The following LIMCH1 variants were observed in gnomAD, a reference collection of about 807,000 sequenced individuals.
The protein encoded by LIMCH1 is LIM and calponin homology domains-containing protein 1.
Under a neutral mutation model 176.5 loss-of-function variants are expected in LIMCH1, and 113 were observed. The observed-to-expected ratio is 0.64, with a 90% CI of 0.55 to 0.75. The LOEUF (loss-of-function observed/expected upper bound fraction) is 0.75. Among genes scored for constraint, LIMCH1 ranks in the 30% least tolerant of loss-of-function variants. The probability of loss-of-function intolerance (pLI) is 0.00; values close to 1 mark genes in which losing one functional copy is unlikely to be tolerated. For synonymous variants in LIMCH1, 619 were observed against 645.9 expected, an observed-to-expected ratio of 0.96 and a Z score of 0.63; for missense variants, 1,674 against 1,814.9, an observed-to-expected ratio of 0.92 and a Z score of 1.41.
intron 13 of LIMCH1, among the ~76,000 whole-genome samples, chr4:41,636,880 A>C (rs1337506881): frequency 6.6e-6 from 1 of 152,234 alleles, no homozygotes; most frequent in East Asian, 1.9e-4. Flanking sequence ...ACTCAACGCT[A>C]ATCTATGCAT....
At chr4:41,468,845 T>C (rs1416124218) in intron 1 of LIMCH1, among the ~76,000 whole-genome samples, 4 of 152,160 alleles carry the variant, frequency 2.6e-5, no homozygotes, top group Admixed American at 2.6e-4. Flanking sequence ...CTCTGGGCTT[T>C]TGTGTGTTGG....
rs142431467 is a variant in LIMCH1 at position 41,697,165 on chromosome 4, G to A, written c.4384G>A (p.Gly1462Arg). The change falls in exon 32 of 32, where the codon GGG becomes AGG. Residue 1462 changes from glycine to arginine, a missense_variant. Transcript: ENST00000503057. The stretch of plus-strand genomic sequence containing the variant: ...GTTGTTTGTTTTAATCACAGGTGCC[G>A]GGCAGCCTACAACATTGTGACACGG... ...NDCYMRSRSA[G>R]QPTTL 36 of 1,613,168 alleles carry A rather than the reference G, an allele frequency of 2.2e-5. No individual in the cohort carries two copies. The highest frequency in any genetic ancestry group is 1.7e-4 in the Admixed American group (10 of 59,952).
intron 1 of LIMCH1, among the ~76,000 whole-genome samples, chr4:41,453,036 A>G (rs975186794): frequency 2.6e-5 from 4 of 152,002 alleles, no homozygotes; most frequent in African/African-American, 9.7e-5. Context: ...ACTTGATGAT[A>G]CTCAGTGCTG....
intron 2 of LIMCH1, among the ~76,000 whole-genome samples, chr4:41,496,656 G>C (rs970250633): frequency 6.6e-6 from 1 of 152,198 alleles, no homozygotes; most frequent in African/African-American, 2.4e-5. Context: ...TTTTGTGTAA[G>C]TTGAGACTAT....
intron 1 of LIMCH1, among the ~76,000 whole-genome samples, chr4:41,385,464 A>G (rs1248784121): frequency 6.6e-6 from 1 of 152,222 alleles, no homozygotes; most frequent in Non-Finnish European, 1.5e-5. Flanking sequence ...CAATGGGCTT[A>G]TTAAAAATGT....
chr4:41,364,807 AT>A (rs2052717726), intron 1 of LIMCH1, among the ~76,000 whole-genome samples: 1 of 152,158 alleles, frequency 6.6e-6, no homozygotes, highest in Non-Finnish European at 1.5e-5. Flanking sequence ...GCAGAATTTT[AT>A]TCACTGAGGT....
chr4:41,429,196 G>A lies in LIMCH1; in HGVS notation c.97-65340G>A, dbSNP rs543752501. 7.9e-5 allele frequency among the ~76,000 whole-genome samples: 12 copies of A among 152,164 alleles called. No individual in the cohort carries two copies. In the East Asian group the frequency reaches 1.4e-3, roughly 17 times the overall value. Reference sequence around the variant, plus strand: ...CCATCTGTGCACCATTTTTTAATGCGTATGTTTTTGTTTTTTGGTTTGCTT... The same window carrying A: ...CCATCTGTGCACCATTTTTTAATGCATATGTTTTTGTTTTTTGGTTTGCTT... On this transcript the variant is annotated intron_variant, in intron 1 of 26. Coordinates refer to the LIMCH1 transcript ENST00000313860.
At chr4:41,577,316 C>G (rs2084656716) in intron 1 of LIMCH1, among the ~76,000 whole-genome samples, 1 of 151,824 alleles carries the variant, frequency 6.6e-6, no homozygotes, top group Non-Finnish European at 1.5e-5. Flanking sequence ...TAGGAAAGCC[C>G]AGAATTTTAG....
intron 1 of LIMCH1, among the ~76,000 whole-genome samples, chr4:41,552,745 G>A (rs1436673882): frequency 6.6e-6 from 1 of 152,044 alleles, no homozygotes; most frequent in African/African-American, 2.4e-5. Context: ...GCTGAAATCT[G>A]TTTGCCTTTC....
chr4:41,669,485 A>C (rs548534057), intron 21 of LIMCH1, among the ~76,000 whole-genome samples: 1 of 152,212 alleles, frequency 6.6e-6, no homozygotes, highest in South Asian at 2.1e-4. Context: ...TAGGGCTTGG[A>C]GCCCACTCTC....
At chr4:41,503,963 C>G (rs1020872156) in intron 2 of LIMCH1, among the ~76,000 whole-genome samples, 1 of 152,122 alleles carries the variant, frequency 6.6e-6, no homozygotes. Flanking sequence ...CTTGGAGTTG[C>G]GAGAGAGACC....
intron 1 of LIMCH1, among the ~76,000 whole-genome samples, chr4:41,563,144 T>C (rs1303202246): frequency 6.6e-6 from 1 of 152,164 alleles, no homozygotes; most frequent in Non-Finnish European, 1.5e-5. Context: ...ATATAGACCT[T>C]GGCCCACATC....
chr4:41,632,868 G>A lies in LIMCH1; in HGVS notation c.1720+1G>A. The A allele has an allele frequency of 6.5e-7, 1 of 1,535,786 alleles. No individual in the cohort carries two copies. The highest frequency in any genetic ancestry group is 8.7e-7 in the Non-Finnish European group (1 of 1,146,476). On this transcript the variant is annotated splice_donor_variant, in intron 11 of 31. Transcript: ENST00000503057. LOFTEE classifies it high-confidence loss of function. Reference sequence around the variant, plus strand: ...GAGTGCCCGAGGGGGACAGAGGAAGGTGAGGAGCAGTGTTTCCTGCCTTCC... The same window carrying A: ...GAGTGCCCGAGGGGGACAGAGGAAGATGAGGAGCAGTGTTTCCTGCCTTCC...
intron 1 of LIMCH1, among the ~76,000 whole-genome samples, chr4:41,462,506 C>T (rs553802858): frequency 6.6e-6 from 1 of 152,174 alleles, no homozygotes; most frequent in Admixed American, 6.5e-5. Context: ...AAAAGAATCC[C>T]ACAGGAATCA....
At chr4:41,491,553 C>T (rs1193311445) in intron 1 of LIMCH1, among the ~76,000 whole-genome samples, 2 of 144,954 alleles carry the variant, frequency 1.4e-5, no homozygotes, top group Admixed American at 6.9e-5. Context: ...CGGGTAGAGG[C>T]GCTCCTCACA....
In LIMCH1 at chr4:41,609,470, T is replaced by C. The variant is rs1415697094; in HGVS notation, c.9+3466T>C. Reference sequence around the variant, plus strand: ...CAGAGGGTGGTGGGTGGAGAGTGGCTGAGCAGGCTGGAAAAGTAGAACCCT... The same window carrying C: ...CAGAGGGTGGTGGGTGGAGAGTGGCCGAGCAGGCTGGAAAAGTAGAACCCT... On this transcript the variant is annotated intron_variant, in intron 4 of 31. Transcript: ENST00000503057. Among the ~76,000 whole-genome samples the C allele has an allele frequency of 2.0e-5, 3 of 152,160 alleles. No individual in the cohort carries two copies. The South Asian group carries it at 6.2e-4, about 32-fold the overall frequency.
At chr4:41,634,912 A>G (rs1239940544) in intron 13 of LIMCH1, among the ~76,000 whole-genome samples, 1 of 152,206 alleles carries the variant, frequency 6.6e-6, no homozygotes, top group Non-Finnish European at 1.5e-5. Context: ...CACTTTCCAG[A>G]TGCCCTGGAC....
At chr4:41,373,235 A>G (rs550718596) in intron 1 of LIMCH1, among the ~76,000 whole-genome samples, 3 of 152,354 alleles carry the variant, frequency 2.0e-5, no homozygotes, top group African/African-American at 4.8e-5. Flanking sequence ...GGGGTTGGCC[A>G]TGCAAAAATG....
At chr4:41,638,609 C>T (rs1033169001) in intron 13 of LIMCH1, among the ~76,000 whole-genome samples, 9 of 152,158 alleles carry the variant, frequency 5.9e-5, no homozygotes, top group Admixed American at 4.6e-4. Flanking sequence ...TCTAAGCTGC[C>T]TTCTCTAAAC....
Sources: allele counts gnomAD v4.1 joint callset (sites outside exome capture counted in the v4.1 genomes callset), GRCh38; gene constraint gnomAD v4.1.1; transcripts MANE v1.5; gene names NCBI Gene and HGNC (gene_info 2026-07-23, HGNC 2026-07-21).